EEA1: variants seen among roughly 807,000 people sequenced by gnomAD.
EEA1 encodes early endosome antigen 1, 162kD.
In EEA1, 111 loss-of-function variants were observed where a neutral mutation model predicts 209.2. The ratio of observed to expected loss-of-function variants is 0.53; its 90% CI spans 0.45 to 0.62. The LOEUF (loss-of-function observed/expected upper bound fraction) is 0.62, where lower values mean the gene tolerates loss of function less well. Among genes scored for constraint, EEA1 ranks in the 20% least tolerant of loss-of-function variants. The pLI, the probability that EEA1 is intolerant of heterozygous loss-of-function variation, is 0.00. For missense variants in EEA1, 1,343 were observed against 1,530.8 expected, an observed-to-expected ratio of 0.88 and a Z score of 2.05; for synonymous variants, 536 against 540.6, an observed-to-expected ratio of 0.99 and a Z score of 0.12.
rs78908944 is a variant in EEA1 at position 92,811,324 on chromosome 12, G to A, written c.2154C>T (p.Tyr718=). The change falls in exon 17 of 29, where the codon TAC becomes TAT. Residue 718 remains tyrosine (Y), a synonymous_variant. Transcript: ENST00000322349. The stretch of plus-strand genomic sequence containing the variant: ...CTTCGGTTTTCTGTTCTAAAGAGAG[G>A]TATTTCTCTTTATATTCTTTAAGAT... ...ESHLKEYKEK[Y]LSLEQKTEEL... is the part of the protein sequence containing the mutation. 3.7e-3 allele frequency: 5,850 copies of A among 1,594,318 alleles called. 180 individuals carry two copies. The African/African-American group carries it at 0.064, about 17-fold the overall frequency.
rs374687422 is a variant in EEA1, at chr12:92,796,862, A to G, written c.2967+2030T>C. ...TAGAAACTTTAAATACATTATCTCA[A>G]TCTTTACAACAACTCTATGACTCCA... On this transcript the variant is annotated intron_variant, in intron 21 of 28. Coordinates refer to ENST00000322349, the MANE Select transcript of EEA1 (RefSeq NM_003566.4). Among the ~76,000 whole-genome samples the G allele has an allele frequency of 3.9e-5, 6 of 152,182 alleles. No individual in the cohort carries two copies. The East Asian group carries it at 1.2e-3, about 29-fold the overall frequency.
chr12:92,788,129 G>A, intron 21 of EEA1, 80 bp from the exon 22 acceptor site: 1 of 1,243,530 alleles, frequency 8.0e-7, no homozygotes, highest in Non-Finnish European at 1.1e-6. Flanking sequence ...CAGACAACTA[G>A]AAGAAAATTC....
intron 2 of EEA1, among the ~76,000 whole-genome samples, chr12:92,876,551 C>T (rs910554490): frequency 6.6e-6 from 1 of 152,090 alleles, no homozygotes; most frequent in Non-Finnish European, 1.5e-5. Flanking sequence ...CATCAGACAT[C>T]AAATCTGCCA....
chr12:92,872,886 G>C (rs753502413), intron 2 of EEA1, among the ~76,000 whole-genome samples: 39 of 152,230 alleles, frequency 2.6e-4, no homozygotes, highest in Non-Finnish European at 4.3e-4. Flanking sequence ...CCGGGAGGGG[G>C]GAGGTTGCAG....
chr12:92,857,970 C>T (rs760849900), intron 3 of EEA1: 26 of 285,374 alleles, frequency 9.1e-5, no homozygotes, highest in Non-Finnish European at 1.5e-4. Context: ...TGGTTACGCC[C>T]TGATACTGCG....
chr12:92,903,336 G>A (rs998140130), intron 1 of EEA1, among the ~76,000 whole-genome samples: 2 of 151,774 alleles, frequency 1.3e-5, no homozygotes, highest in Admixed American at 6.6e-5. Context: ...GGTAGCTCAC[G>A]CCTGTAATCC....
chr12:92,805,387 T>TA (rs1875152463), intron 18 of EEA1, among the ~76,000 whole-genome samples: 1 of 152,122 alleles, frequency 6.6e-6, no homozygotes, highest in South Asian at 2.1e-4. Flanking sequence ...CATGAAGGTG[T>TA]GAAACAACTT....
intron 18 of EEA1, among the ~76,000 whole-genome samples, chr12:92,807,976 A>C (rs1875295126): frequency 6.6e-6 from 1 of 152,186 alleles, no homozygotes; most frequent in Non-Finnish European, 1.5e-5. Flanking sequence ...ATCTTGAAAA[A>C]TAATAAAGGT....
chr12:92,875,344 G>A (rs966193701), intron 2 of EEA1, among the ~76,000 whole-genome samples: 2 of 152,126 alleles, frequency 1.3e-5, no homozygotes, highest in African/African-American at 4.8e-5. Context: ...GCTAAGGCAG[G>A]AGAATCTCTT....
intron 24 of EEA1, among the ~76,000 whole-genome samples, chr12:92,779,864 A>T (rs919930688): frequency 4.0e-5 from 6 of 149,452 alleles, no homozygotes; most frequent in African/African-American, 1.5e-4. Context: ...ATCTATGCTT[A>T]TAACAGGTAA....
chr12:92,924,954 G>A (rs1027590144), intron 1 of EEA1, among the ~76,000 whole-genome samples: 1 of 150,952 alleles, frequency 6.6e-6, no homozygotes, highest in Non-Finnish European at 1.5e-5. Flanking sequence ...ACTTAGATGG[G>A]CAACTAATCT....
chr12:92,785,027 TA>T (rs33945823), intron 22 of EEA1, among the ~76,000 whole-genome samples: 32 of 142,744 alleles, frequency 2.2e-4, no homozygotes, highest in Admixed American at 9.8e-4. Flanking sequence ...CATACTTTCT[TA>T]AAAAAAAAAA....
intron 22 of EEA1, among the ~76,000 whole-genome samples, chr12:92,783,931 A>T (rs913292299): frequency 6.6e-6 from 1 of 152,096 alleles, no homozygotes; most frequent in Non-Finnish European, 1.5e-5. Context: ...AAAAAAAGAA[A>T]GATGAAATAA....
At chr12:92,901,112 T>A (rs1469450525) in intron 1 of EEA1, among the ~76,000 whole-genome samples, 2 of 152,238 alleles carry the variant, frequency 1.3e-5, no homozygotes, top group Middle Eastern at 6.3e-3. Flanking sequence ...TCCAAAGAAC[T>A]GTATTTTCCT....
At chr12:92,845,552 C>G (rs895458678) in intron 9 of EEA1, among the ~76,000 whole-genome samples, 1 of 152,136 alleles carries the variant, frequency 6.6e-6, no homozygotes, top group Non-Finnish European at 1.5e-5. Flanking sequence ...ATCCTAGCTC[C>G]CACTGCTTAA....
At chr12:92,812,847 C>T in intron 16 of EEA1, 133 bp downstream of exon 16, 1 of 519,922 alleles carries the variant, frequency 1.9e-6, no homozygotes, top group Non-Finnish European at 3.3e-6. Flanking sequence ...AACTGGAACT[C>T]ATGGAGAAAT....
chr12:92,895,133 A>ATTTTTT (rs537064468), intron 1 of EEA1, among the ~76,000 whole-genome samples: 3 of 95,088 alleles, frequency 3.2e-5, no homozygotes, highest in African/African-American at 4.2e-5. Flanking sequence ...GGATCACTGA[A>ATTTTTT]TTTTTTTTTT....
chr12:92,873,899 G>A (rs1338875628), intron 2 of EEA1, among the ~76,000 whole-genome samples: 1 of 152,054 alleles, frequency 6.6e-6, no homozygotes, highest in Non-Finnish European at 1.5e-5. Flanking sequence ...ACCTTTAAAG[G>A]AGATTATCCA....
chr12:92,906,944 CAGACCTTA>C (rs1246037104), intron 1 of EEA1, among the ~76,000 whole-genome samples: 5 of 152,148 alleles, frequency 3.3e-5, no homozygotes, highest in Admixed American at 3.3e-4. Flanking sequence ...TTACTATATG[CAGACCTTA>C]AGAACAATGC....
Sources: gnomAD v4.1 joint callset for allele counts (sites outside exome capture counted in the v4.1 genomes callset) on GRCh38, gnomAD v4.1.1 for gene constraint, MANE v1.5 for transcripts, NCBI Gene and HGNC (gene_info 2026-07-23, HGNC 2026-07-21) for gene names.